Variants in NREP observed in about 807,000 individuals in gnomAD.
NREP encodes neuronal regeneration related protein.
A neutral mutation model predicts 8.6 loss-of-function variants in NREP; 5 were observed. The observed-to-expected ratio is 0.58, with a 90% CI of 0.30 to 1.22. NREP has a LOEUF of 1.22. Among genes scored for constraint, NREP ranks in the 50% most tolerant of loss-of-function variants. The probability of loss-of-function intolerance (pLI) is 0.07; values close to 1 mark genes in which losing one functional copy is unlikely to be tolerated. For missense variants in NREP, 86 were observed against 82.5 expected (o/e 1.04, Z -0.17); for synonymous variants, 27 against 28.0 (o/e 0.96, Z 0.11).
intron 2 of NREP, chr5:111,739,613 G>A (rs745859278): frequency 1.3e-5 from 2 of 152,140 alleles, no homozygotes; most frequent in African/African-American, 2.4e-5. Context: ...CTCATCAACT[G>A]ACACTCCAAA....
intron 2 of NREP, among the ~76,000 whole-genome samples, chr5:111,829,547 T>A (rs1197159838): frequency 6.6e-6 from 1 of 152,218 alleles, no homozygotes; most frequent in Non-Finnish European, 1.5e-5. Context: ...TGACCTTTGA[T>A]TCCAGATTAT....
At chr5:111,787,565 C>T (rs1751641531) in intron 2 of NREP, among the ~76,000 whole-genome samples, 1 of 150,430 alleles carries the variant, frequency 6.6e-6, no homozygotes, top group South Asian at 2.1e-4. Flanking sequence ...ATTTTTGCCA[C>T]AGAAGGTGGA....
At chr5:111,757,901 G>C, upstream of NREP, 2 of 985,326 alleles carry the variant, frequency 2.0e-6, no homozygotes, top group Non-Finnish European at 1.2e-6. Context: ...CGGCCCGCCA[G>C]GGCCGTGGGG....
At chr5:111,866,709 G>A (rs538607787) in intron 2 of NREP, among the ~76,000 whole-genome samples, 11 of 152,066 alleles carry the variant, frequency 7.2e-5, no homozygotes, top group Middle Eastern at 3.4e-3. Context: ...TGTTTATTGC[G>A]GCACTATTCA....
chr5:111,817,735 G>A (rs973671078), intron 2 of NREP, among the ~76,000 whole-genome samples: 2 of 150,282 alleles, frequency 1.3e-5, no homozygotes, highest in Non-Finnish European at 3.0e-5. Flanking sequence ...AACCCAGGAG[G>A]CGGAGCTTAC....
intron 2 of NREP, among the ~76,000 whole-genome samples, chr5:111,968,605 T>A (rs1756713170): frequency 6.6e-6 from 1 of 152,312 alleles, no homozygotes; most frequent in South Asian, 2.1e-4. Flanking sequence ...GCTTCAGGAA[T>A]GTCTCAACAC....
intron 2 of NREP, among the ~76,000 whole-genome samples, chr5:111,822,552 A>T (rs1169535862): frequency 6.6e-6 from 1 of 152,218 alleles, no homozygotes; most frequent in African/African-American, 2.4e-5. Context: ...ACACAGCTTC[A>T]TCTCTGTTCC....
intron 2 of NREP, among the ~76,000 whole-genome samples, chr5:111,735,778 A>AGCTT (rs1430940081): frequency 2.0e-5 from 3 of 152,246 alleles, no homozygotes; most frequent in Non-Finnish European, 4.4e-5. Flanking sequence ...GCAAAGTAGC[A>AGCTT]GCTTCATGGT....
chr5:111,869,487 C>T (rs1753738695), intron 2 of NREP, among the ~76,000 whole-genome samples: 1 of 152,186 alleles, frequency 6.6e-6, no homozygotes, highest in Non-Finnish European at 1.5e-5. Flanking sequence ...GAAGTTTTAA[C>T]TACCCTGGTC....
chr5:111,879,126 C>A (rs1011054256), intron 2 of NREP, among the ~76,000 whole-genome samples: 30 of 152,174 alleles, frequency 2.0e-4, no homozygotes, highest in Admixed American at 2.6e-4. Context: ...CTGGCAACTG[C>A]CCCTGCTCCC....
intron 2 of NREP, among the ~76,000 whole-genome samples, chr5:111,968,015 T>G (rs1489047128): frequency 5.3e-5 from 8 of 152,202 alleles, no homozygotes. Context: ...TAAAGGAATT[T>G]AACTAGGCTT....
intron 2 of NREP, among the ~76,000 whole-genome samples, chr5:111,861,814 C>A (rs1013443587): frequency 6.6e-6 from 1 of 152,026 alleles, no homozygotes; most frequent in Non-Finnish European, 1.5e-5. Flanking sequence ...AAATATCCCA[C>A]AAAAAGCTTT....
At chr5:111,825,192 CAAAT>C (rs951702249) in intron 2 of NREP, among the ~76,000 whole-genome samples, 6 of 151,902 alleles carry the variant, frequency 3.9e-5, no homozygotes, top group South Asian at 2.1e-4. Flanking sequence ...AAATAAAACT[CAAAT>C]AAATAAATAA....
intron 2 of NREP, among the ~76,000 whole-genome samples, chr5:111,967,376 C>G (rs1023376186): frequency 8.5e-5 from 13 of 152,206 alleles, no homozygotes; most frequent in Non-Finnish European, 1.8e-4. Flanking sequence ...TCCTGGCTCA[C>G]TTTAATTCGT....
chr5:111,883,171 G>C (rs1461597374), intron 2 of NREP, among the ~76,000 whole-genome samples: 2 of 152,206 alleles, frequency 1.3e-5, no homozygotes, highest in Non-Finnish European at 2.9e-5. Flanking sequence ...GGCAGGGGTT[G>C]CAATGCTAGT....
chr5:111,773,418 T>G (rs1451587913), intron 2 of NREP, among the ~76,000 whole-genome samples: 1 of 152,176 alleles, frequency 6.6e-6, no homozygotes, highest in Non-Finnish European at 1.5e-5. Context: ...GTGCTTTTAT[T>G]TCACATAAAC....
intron 2 of NREP, among the ~76,000 whole-genome samples, chr5:111,817,889 T>C (rs1370915840): frequency 6.6e-6 from 1 of 151,904 alleles, no homozygotes; most frequent in Non-Finnish European, 1.5e-5. Flanking sequence ...CAAAAAATAT[T>C]TCACATGTGT....
intron 2 of NREP, among the ~76,000 whole-genome samples, chr5:111,955,484 AAAAAC>A (rs1352644004): frequency 3.3e-5 from 4 of 120,366 alleles, no homozygotes; most frequent in Non-Finnish European, 8.0e-5. Context: ...AAAAAAAACA[AAAAAC>A]AAAAAACAAA....
At chr5:111,833,295 A>G (rs1752818005) in intron 2 of NREP, among the ~76,000 whole-genome samples, 1 of 152,184 alleles carries the variant, frequency 6.6e-6, no homozygotes, top group Admixed American at 6.5e-5. Flanking sequence ...TACAATGGCA[A>G]TTATTCCATG....
Sources: allele counts gnomAD v4.1 joint callset (sites outside exome capture counted in the v4.1 genomes callset), GRCh38; gene constraint gnomAD v4.1.1; transcripts MANE v1.5; gene names NCBI Gene and HGNC (gene_info 2026-07-23, HGNC 2026-07-21).